ATF3: variants seen among roughly 807,000 people sequenced by gnomAD.
The protein encoded by ATF3 is activating transcription factor 3.
A neutral mutation model predicts 18.4 loss-of-function variants in ATF3; 10 were observed. That is an observed-to-expected ratio of 0.54 (90% CI 0.34 to 0.92). The LOEUF (loss-of-function observed/expected upper bound fraction) is 0.92. ATF3 is among the 40% of genes least tolerant of loss of function. The probability of loss-of-function intolerance (pLI) is 0.02; values close to 1 mark genes in which losing one functional copy is unlikely to be tolerated. For synonymous variants in ATF3, 78 were observed against 87.9 expected, an observed-to-expected ratio of 0.89 and a Z score of 0.63; for missense variants, 183 against 222.3, an observed-to-expected ratio of 0.82 and a Z score of 1.12.
chr1:212,577,911 T>C (rs1320915892), intron 1 of ATF3, among the ~76,000 whole-genome samples: 4 of 152,256 alleles, frequency 2.6e-5, no homozygotes, highest in Admixed American at 2.6e-4. Flanking sequence ...CTCTTTGACA[T>C]ACTGTTTTCA....
intron 1 of ATF3, among the ~76,000 whole-genome samples, chr1:212,580,941 G>T (rs1289136908): frequency 6.6e-6 from 1 of 152,050 alleles, no homozygotes; most frequent in Non-Finnish European, 1.5e-5. Flanking sequence ...GCTAATTTTT[G>T]TATTTTTAGT....
intron 1 of ATF3, chr1:212,614,132 TGTCA>T (rs1655002669): frequency 6.6e-6 from 1 of 152,180 alleles, no homozygotes; most frequent in Non-Finnish European, 1.5e-5. Context: ...TTGGAGGAGC[TGTCA>T]GTCATTTACC....
intron 1 of ATF3, among the ~76,000 whole-genome samples, chr1:212,582,222 G>A (rs530092478): frequency 2.2e-4 from 33 of 152,314 alleles, no homozygotes; most frequent in African/African-American, 7.5e-4. Flanking sequence ...TGGGTGCTCC[G>A]TACTTTATCT....
intron 1 of ATF3, among the ~76,000 whole-genome samples, chr1:212,597,050 A>G (rs1654299586): frequency 6.6e-6 from 1 of 152,218 alleles, no homozygotes; most frequent in Admixed American, 6.5e-5. Flanking sequence ...TATGTGAGGA[A>G]GATGCGGGGG....
At chr1:212,584,866 T>C (rs1664749328) in intron 1 of ATF3, among the ~76,000 whole-genome samples, 1 of 152,150 alleles carries the variant, frequency 6.6e-6, no homozygotes, top group African/African-American at 2.4e-5. Flanking sequence ...GATGGAACCT[T>C]TGTGGGAACT....
At chr1:212,570,721 A>G (rs1316485473) in intron 1 of ATF3, among the ~76,000 whole-genome samples, 9 of 152,216 alleles carry the variant, frequency 5.9e-5, no homozygotes, top group Non-Finnish European at 8.8e-5. Context: ...GTCACACAGC[A>G]TGAACTCTTT....
At chr1:212,586,820 G>A (rs1040739862) in intron 1 of ATF3, among the ~76,000 whole-genome samples, 5 of 152,196 alleles carry the variant, frequency 3.3e-5, no homozygotes, top group Non-Finnish European at 7.3e-5. Flanking sequence ...GTGACTTTTT[G>A]ATCAGGTCAG....
intron 1 of ATF3, among the ~76,000 whole-genome samples, chr1:212,598,027 G>A (rs1654361043): frequency 6.6e-6 from 1 of 152,052 alleles, no homozygotes; most frequent in Non-Finnish European, 1.5e-5. Flanking sequence ...AAAAAAGTAG[G>A]CAAATACACT....
At chr1:212,567,664 A>C (rs1664408599) in intron 1 of ATF3, among the ~76,000 whole-genome samples, 1 of 152,230 alleles carries the variant, frequency 6.6e-6, no homozygotes, top group South Asian at 2.1e-4. Context: ...TTATAATGCT[A>C]CCGGTGTTAA....
chr1:212,619,425 A>G lies in ATF3; in HGVS notation c.416A>G (p.Lys139Arg), dbSNP rs1214212371. The G allele has an allele frequency of 6.2e-7, 1 of 1,614,200 alleles. No individual in the cohort carries two copies. Among genetic ancestry groups the G allele is most frequent in the South Asian group, 1.1e-5 (1 of 91,080 alleles). Residue 139 changes from lysine (K) to arginine (R), a missense_variant, in exon 4 of 4, where the codon AAG (lysine) becomes AGG (arginine). By Grantham distance (26) the Lys-to-Arg change is conservative. Transcript: ENST00000341491. This position sits in a 1 kb window ranked among gnomAD's most constrained non-coding sequence, Gnocchi z 4.4. ...KAQIEELKNE[K>R]QHLIYMLNLH... Reference sequence around the variant, plus strand: ...CAGATTGAGGAGCTCAAGAACGAGAAGCAGCATTTGATATACATGCTCAAC... The same window carrying G: ...CAGATTGAGGAGCTCAAGAACGAGAGGCAGCATTTGATATACATGCTCAAC...
intron 1 of ATF3, among the ~76,000 whole-genome samples, chr1:212,597,731 G>A (rs1032481218): frequency 6.6e-6 from 1 of 152,024 alleles, no homozygotes; most frequent in African/African-American, 2.4e-5. Context: ...TGGCCCGAGT[G>A]TTGTTTCCAC....
In ATF3 at chr1:212,619,208, T is replaced by C; in HGVS notation, c.349-150T>C. ...AGGGTCTGCATTTTCCTAAACCCAG[T>C]GCTGCTCTCCCATCTCCCATCTTCC... On this transcript the variant is annotated intron_variant, in intron 3 of 3. Transcript: ENST00000341491. The surrounding 1 kb of genome is among the most constrained non-coding windows in gnomAD (Gnocchi z 4.4). The C allele has an allele frequency of 6.2e-7, 1 of 1,610,894 alleles. No individual in the cohort carries two copies. Among genetic ancestry groups the C allele is most frequent in the East Asian group, 2.2e-5 (1 of 44,858 alleles).
chr1:212,611,550 T>G (rs1654893162), intron 1 of ATF3, among the ~76,000 whole-genome samples: 1 of 152,194 alleles, frequency 6.6e-6, no homozygotes, highest in Admixed American at 6.5e-5. Flanking sequence ...CTTAGAAACA[T>G]TGTCTCTGGC....
rs1343348349 is a variant in ATF3 at position 212,619,233 on chromosome 1, C to G, written c.349-125C>G. ...TGCTGCTCTCCCATCTCCCATCTTC[C>G]TCTCGCAGCTTGATGAGCCCCGGTG... is the stretch of plus-strand genomic sequence containing the variant. On this transcript the variant is annotated intron_variant, in intron 3 of 3. Coordinates refer to ENST00000341491, the MANE Select transcript of ATF3 (RefSeq NM_001674.4). This position sits in a 1 kb window ranked among gnomAD's most constrained non-coding sequence, Gnocchi z 4.4. 11 of 1,610,384 alleles carry G rather than the reference C, an allele frequency of 6.8e-6. No individual in the cohort carries two copies. The East Asian group carries it at 2.5e-4, about 36-fold the overall frequency.
chr1:212,615,344 G>T, intron 2 of ATF3, 83 bp downstream of exon 2: 1 of 1,513,532 alleles, frequency 6.6e-7, no homozygotes, highest in South Asian at 1.2e-5. Flanking sequence ...TAGGCAGGGG[G>T]CTGTTGTTGA....
rs2102667645 is a variant in ATF3 at position 212,619,456 on chromosome 1, T to C, written c.447T>C (p.His149=). The C allele has an allele frequency of 1.2e-6, 2 of 1,614,184 alleles. No homozygotes were observed. The highest frequency in any genetic ancestry group is 1.7e-6 in the Non-Finnish European group (2 of 1,180,026). Reference sequence around the variant, plus strand: ...ATTTGATATACATGCTCAACCTTCATCGGCCCACGTGTATTGTCCGGGCTC... The same window carrying C: ...ATTTGATATACATGCTCAACCTTCACCGGCCCACGTGTATTGTCCGGGCTC... ...KQHLIYMLNL[H]RPTCIVRAQN... The change falls in exon 4 of 4, where the codon CAT becomes CAC. Residue 149 remains histidine (H), a synonymous_variant. Transcript: ENST00000341491. The surrounding 1 kb of genome is among the most constrained non-coding windows in gnomAD (Gnocchi z 4.4).
rs1027350252 is a variant in ATF3 at position 212,618,224 on chromosome 1, G to A, written c.338G>A (p.Cys113Tyr). Residue 113 changes from cysteine to tyrosine, a missense_variant, in exon 3 of 4, where the codon TGC becomes TAC. Cys to Tyr is a radical substitution (Grantham distance 194). Transcript: ENST00000341491. The surrounding 1 kb of genome is among the most constrained non-coding windows in gnomAD (Gnocchi z 4.4). The stretch of plus-strand genomic sequence containing the variant: ...AACAAGAAGAAGGAGAAGACGGAGT[G>A]CCTGCAGAAAGTGAGTGCCTTCTAG... ...CRNKKKEKTE[C>Y]LQKESEKLES... The A allele has an allele frequency of 6.2e-7, 1 of 1,614,078 alleles. No individual in the cohort carries two copies. Among genetic ancestry groups the A allele is most frequent in the African/African-American group, 1.3e-5 (1 of 75,050 alleles).
At chr1:212,581,235 G>A (rs542102927) in intron 1 of ATF3, among the ~76,000 whole-genome samples, 5 of 152,316 alleles carry the variant, frequency 3.3e-5, no homozygotes, top group African/African-American at 9.6e-5. Flanking sequence ...CAGGTCTGCC[G>A]GCCCCTGCAG....
upstream of ATF3, among the ~76,000 whole-genome samples, chr1:212,606,703 C>T (rs931384817): frequency 2.0e-5 from 3 of 152,252 alleles, no homozygotes; most frequent in African/African-American, 7.2e-5. Context: ...CCTTGCTTCA[C>T]TTTATAATGG....
Sources: gnomAD v4.1 joint callset for allele counts (sites outside exome capture counted in the v4.1 genomes callset) on GRCh38, gnomAD v4.1.1 for gene constraint, Gnocchi (gnomAD v3.1) non-coding constraint, MANE v1.5 for transcripts, NCBI Gene and HGNC (gene_info 2026-07-23, HGNC 2026-07-21) for gene names.